NAV3: variants seen among roughly 807,000 people sequenced by gnomAD.
NAV3 encodes the protein pore membrane and/or filament interacting like protein 1.
In NAV3, 87 loss-of-function variants were observed where a neutral mutation model predicts 244.7. The observed-to-expected ratio is 0.36, with a 90% CI of 0.30 to 0.42. The LOEUF is 0.42. NAV3 is among the 20% of genes least tolerant of loss of function. The pLI, the probability that NAV3 is intolerant of heterozygous loss-of-function variation, is 1.00. For missense variants in NAV3, 2,663 were observed against 2,893.3 expected (o/e 0.92, Z 1.83); for synonymous variants, 1,126 against 1,042.2 (o/e 1.08, Z -1.55).
chr12:78,134,825 A>G (rs145630902), intron 18 of NAV3, among the ~76,000 whole-genome samples: 1 of 152,318 alleles, frequency 6.6e-6, no homozygotes, highest in Non-Finnish European at 1.5e-5. Context: ...TCCTCAAGTT[A>G]CTACAAATAA....
chr12:77,957,598 A>G (rs144547706), intron 3 of NAV3, among the ~76,000 whole-genome samples: 5 of 152,364 alleles, frequency 3.3e-5, no homozygotes, highest in African/African-American at 1.2e-4. Flanking sequence ...TGAGTTCAAT[A>G]AAGAGCTATG....
intron 2 of NAV3, among the ~76,000 whole-genome samples, chr12:77,779,280 C>T (rs1870545017): frequency 6.6e-6 from 1 of 152,146 alleles, no homozygotes; most frequent in African/African-American, 2.4e-5. Context: ...TTGGGTGAAA[C>T]CAGCACTGAA....
At chr12:77,657,960 A>C (rs1174250573) in intron 2 of NAV3, among the ~76,000 whole-genome samples, 4 of 152,168 alleles carry the variant, frequency 2.6e-5, no homozygotes, top group Non-Finnish European at 5.9e-5. Context: ...ATGTATCTCA[A>C]AATAATAAGA....
intron 2 of NAV3, among the ~76,000 whole-genome samples, chr12:77,595,226 T>TA (rs1052318991): frequency 3.0e-4 from 45 of 151,236 alleles, no homozygotes; most frequent in African/African-American, 8.2e-4. Flanking sequence ...TGTTCAGCTT[T>TA]AAAAAAAAAG....
rs541378423 is a variant in NAV3, at chr12:77,841,872, G to T, written c.243+10168G>T. ...AAATGGAGGATTGCATAAGAGGCTGGGAATTCCACATATCACTTCCACTCT... is the reference window on the plus strand; with the variant it reads ...AAATGGAGGATTGCATAAGAGGCTGTGAATTCCACATATCACTTCCACTCT... On this transcript the variant is annotated intron_variant, in intron 1 of 39. Transcript: ENST00000397909. Among the ~76,000 whole-genome samples the T allele has an allele frequency of 6.7e-3, 1,023 of 152,166 alleles. 10 individuals are homozygous for T. The highest frequency in any genetic ancestry group is 0.024 in the African/African-American group (984 of 41,520).
chr12:77,663,473 A>T (rs906943082), intron 2 of NAV3, among the ~76,000 whole-genome samples: 1 of 152,190 alleles, frequency 6.6e-6, no homozygotes, highest in East Asian at 1.9e-4. Flanking sequence ...TTCGACTATG[A>T]GTGAGGCTTA....
intron 1 of NAV3, among the ~76,000 whole-genome samples, chr12:77,863,060 A>T (rs530682182): frequency 3.9e-5 from 6 of 152,020 alleles, no homozygotes; most frequent in South Asian, 2.1e-4. Flanking sequence ...AACTGTATGC[A>T]TATATTTAAG....
rs910450878 is a variant in NAV3, at chr12:78,211,455, C to G, written c.*938C>G. 6.8e-6 allele frequency: 1 copy of G among 147,698 alleles called. No individual in the cohort carries two copies. Among genetic ancestry groups the G allele is most frequent in the African/African-American group, 2.5e-5 (1 of 40,480 alleles). The allele number at this position is 147,698 out of a possible 1,614,324, so 9.1% of individuals were successfully genotyped here. A position where few individuals can be genotyped will look rare whatever the true frequency, so the allele number is the denominator to read the frequency against. ...ACACCAGTTAACATAGTAGCCTCAT[C>G]TCTATATATCTTTCTCTTTTTTTTT... On this transcript the variant is annotated 3_prime_UTR_variant, in exon 40 of 40. Transcript: ENST00000397909.
chr12:78,037,329 G>C, intron 9 of NAV3: 1 of 702,960 alleles, frequency 1.4e-6, no homozygotes, highest in Non-Finnish European at 2.6e-6. Flanking sequence ...TCTGGATGAG[G>C]AGGTGATCCT....
chr12:77,632,377 A>G (rs1546056), intron 2 of NAV3, among the ~76,000 whole-genome samples: 134,094 of 151,970 alleles, frequency 0.88, 59,246 homozygotes, highest in East Asian at 0.97. Context: ...CGTGGCTGGG[A>G]AGGCCTCTCA....
At position 78,154,857 on chromosome 12, in the gene NAV3, A is replaced by C. The variant is rs192573626; in HGVS notation, c.4786-4346A>C. On this transcript the variant is annotated intron_variant, in intron 22 of 39. Transcript: ENST00000397909. Reference sequence around the variant, plus strand: ...CAGTTTTACTTTCCATTTTCTCTTCATTAAGGTGATAAAGATTATCATTAG... The same window carrying C: ...CAGTTTTACTTTCCATTTTCTCTTCCTTAAGGTGATAAAGATTATCATTAG... 5.0e-3 allele frequency among the ~76,000 whole-genome samples: 755 copies of C among 152,096 alleles called. 3 individuals carry two copies. The highest frequency in any genetic ancestry group is 8.2e-3 in the Non-Finnish European group (554 of 67,966).
At chr12:78,102,640 G>T (rs923647743) in intron 12 of NAV3, among the ~76,000 whole-genome samples, 1 of 152,222 alleles carries the variant, frequency 6.6e-6, no homozygotes, top group Non-Finnish European at 1.5e-5. Flanking sequence ...CTTCATGAGG[G>T]CCGTGCCCCT....
chr12:78,094,822 G>A (rs914946319), intron 12 of NAV3, among the ~76,000 whole-genome samples: 1 of 151,910 alleles, frequency 6.6e-6, no homozygotes, highest in East Asian at 1.9e-4. Flanking sequence ...GCCTAGGCAG[G>A]TGGATCACGA....
rs199618835 is a variant in NAV3, at chr12:77,716,380, TCA to T, written c.72+144117_72+144118del. ...GGAATGTACCATGTTCTCAAGAAAC[TCA>T]CAGAGTTTTAAGAGAAAAATTATTA... On this transcript the variant is annotated intron_variant, in intron 2 of 8. Transcript: ENST00000550042. 9.3e-4 allele frequency among the ~76,000 whole-genome samples: 141 copies of T among 151,890 alleles called. 2 individuals are homozygous for T. In the East Asian group the frequency reaches 0.026, roughly 28 times the overall value.
At chr12:77,920,898 T>C (rs926356711) in intron 1 of NAV3, among the ~76,000 whole-genome samples, 15 of 152,118 alleles carry the variant, frequency 9.9e-5, no homozygotes, top group African/African-American at 3.4e-4. Flanking sequence ...AGGTCACCAT[T>C]TGGATTCATA....
At chr12:78,066,261 G>A (rs1593448917) in intron 12 of NAV3, among the ~76,000 whole-genome samples, 1 of 152,078 alleles carries the variant, frequency 6.6e-6, no homozygotes, top group South Asian at 2.1e-4. Flanking sequence ...TTAATGAAAG[G>A]AAGGGGATCA....
intron 1 of NAV3, among the ~76,000 whole-genome samples, chr12:77,845,082 G>T (rs186957686): frequency 7.2e-5 from 11 of 152,078 alleles, no homozygotes; most frequent in African/African-American, 2.7e-4. Context: ...AATAAGCATA[G>T]AACTAACGAG....
chr12:77,957,408 T>C (rs1891466244), intron 3 of NAV3, among the ~76,000 whole-genome samples: 1 of 152,194 alleles, frequency 6.6e-6, no homozygotes, highest in Admixed American at 6.5e-5. Context: ...TATCTTGGTA[T>C]TTAGTACCAA....
intron 5 of NAV3, among the ~76,000 whole-genome samples, chr12:77,984,364 A>T (rs1021285021): frequency 6.6e-6 from 1 of 152,198 alleles, no homozygotes; most frequent in East Asian, 1.9e-4. Context: ...AGTGAGAACC[A>T]AGGGATGTGG....
Sources: gnomAD v4.1 joint callset for allele counts (sites outside exome capture counted in the v4.1 genomes callset) on GRCh38, gnomAD v4.1.1 for gene constraint, MANE v1.5 for transcripts, NCBI Gene and HGNC (gene_info 2026-07-23, HGNC 2026-07-21) for gene names.